The following KIF1B variants were observed in gnomAD, a reference collection of about 807,000 sequenced individuals.
KIF1B encodes kinesin family member 1B.
Under a neutral mutation model 241.9 loss-of-function variants are expected in KIF1B, and 76 were observed. That is an observed-to-expected ratio of 0.31 (90% CI 0.26 to 0.38). The LOEUF (loss-of-function observed/expected upper bound fraction) is 0.38, where lower values mean the gene tolerates loss of function less well. KIF1B is among the 10% of genes least tolerant of loss of function. The pLI is 1.00. For missense variants in KIF1B, 1,622 were observed against 2,271.4 expected (o/e 0.71, Z 5.81); for synonymous variants, 750 against 796.7 (o/e 0.94, Z 0.99).
intron 1 of KIF1B, among the ~76,000 whole-genome samples, chr1:10,222,323 C>T (rs1253538184): frequency 1.3e-5 from 2 of 152,014 alleles, no homozygotes; most frequent in Non-Finnish European, 2.9e-5. Flanking sequence ...AAGGTGGTGG[C>T]TAGTGGAGAA....
intron 27 of KIF1B, among the ~76,000 whole-genome samples, chr1:10,328,231 G>A (rs1008865701): frequency 3.9e-5 from 6 of 152,090 alleles, no homozygotes; most frequent in Non-Finnish European, 5.9e-5. Flanking sequence ...TTTGTAGTAT[G>A]GTATTGGTCA....
At chr1:10,241,130 T>TGA (rs1301699016) in intron 2 of KIF1B, among the ~76,000 whole-genome samples, 2 of 152,114 alleles carry the variant, frequency 1.3e-5, no homozygotes, top group African/African-American at 2.4e-5. Context: ...TGTGTGTGTG[T>TGA]GAGACGAGGT....
chr1:10,210,577 C>A lies in KIF1B; in HGVS notation c.-381C>A, dbSNP rs1157480711. On this transcript the variant is annotated 5_prime_UTR_variant, in exon 1 of 49. Coordinates refer to ENST00000676179, the MANE Select transcript of KIF1B (RefSeq NM_001365951.3). This position sits in a 1 kb window ranked among gnomAD's most constrained non-coding sequence, Gnocchi z 4.1. ...CGAGGGCCGAAGCGGGGCAGTGTGA[C>A]GGCAGCGGTCCTGGGAGGCGCCCGC... Among the ~76,000 whole-genome samples, 1 of 152,054 alleles carries A rather than the reference C, an allele frequency of 6.6e-6. No homozygotes were observed. The highest frequency in any genetic ancestry group is 2.4e-5 in the African/African-American group (1 of 41,430).
chr1:10,332,168 G>T lies in KIF1B; in HGVS notation c.2925-2352G>T, dbSNP rs1157713226. 3.3e-5 allele frequency among the ~76,000 whole-genome samples: 5 copies of T among 151,206 alleles called. No individual in the cohort carries two copies. In the South Asian group the frequency reaches 1.0e-3, roughly 32 times the overall value. On this transcript the variant is annotated intron_variant, in intron 27 of 48. Coordinates refer to ENST00000676179, the MANE Select transcript of KIF1B (RefSeq NM_001365951.3). ...CAACCTTCACCTCCTGGGTTCAAGC[G>T]ATTCTCCTGCCTCGGCGCCCCCGAG...
intron 14 of KIF1B, among the ~76,000 whole-genome samples, chr1:10,280,421 A>G (rs1386272308): frequency 6.6e-6 from 1 of 151,976 alleles, no homozygotes; most frequent in East Asian, 1.9e-4. Context: ...TTTTTAATAG[A>G]GATGGGGTTT....
chr1:10,380,400 G>A lies in KIF1B; in HGVS notation c.*3813G>A, dbSNP rs1415565951. On this transcript the variant is annotated 3_prime_UTR_variant, in exon 49 of 49. Coordinates refer to ENST00000676179, the MANE Select transcript of KIF1B (RefSeq NM_001365951.3). ...TCGGTTCCCTTTTAAAAATGTGATT[G>A]TTAACCTGCCTCTTGAAAGATTCAA... The A allele has an allele frequency of 1.6e-5, 3 of 193,472 alleles. No homozygotes were observed. The East Asian group carries it at 2.5e-4, about 16-fold the overall frequency. 12.0% of individuals were successfully genotyped at this position (193,472 alleles called of 1,614,324 possible).
intron 22 of KIF1B, among the ~76,000 whole-genome samples, chr1:10,319,671 A>G (rs1651448153): frequency 6.6e-6 from 1 of 152,124 alleles, no homozygotes; most frequent in African/African-American, 2.4e-5. Flanking sequence ...TTTTCTCTGG[A>G]ATTTATTGAT....
intron 27 of KIF1B, among the ~76,000 whole-genome samples, chr1:10,330,513 G>T (rs116058542): frequency 7.5e-6 from 1 of 133,618 alleles, no homozygotes; most frequent in Non-Finnish European, 1.6e-5. Context: ...TTTTTGAATA[G>T]CTATTTTTAA....
At chr1:10,267,305 G>C in intron 5 of KIF1B, 75 bp from the exon 6 acceptor site, 1 of 1,313,524 alleles carries the variant, frequency 7.6e-7, no homozygotes, top group Non-Finnish European at 1.1e-6. Context: ...TGGGATTACA[G>C]GCGTGAGCCA....
intron 22 of KIF1B, chr1:10,305,200 C>G: frequency 9.6e-7 from 1 of 1,047,064 alleles, no homozygotes; most frequent in Non-Finnish European, 1.2e-6. Flanking sequence ...TAAAGGTCTT[C>G]AAACATATCT....
chr1:10,236,014 T>G (rs1373923736), intron 2 of KIF1B, among the ~76,000 whole-genome samples: 1 of 152,072 alleles, frequency 6.6e-6, no homozygotes, highest in African/African-American at 2.4e-5. Context: ...GGCTCAAGCC[T>G]CTAATCCCAG....
intron 22 of KIF1B, among the ~76,000 whole-genome samples, chr1:10,314,628 C>T (rs537489048): frequency 9.3e-5 from 14 of 151,290 alleles, no homozygotes; most frequent in South Asian, 2.1e-4. Context: ...CTATGTTGCC[C>T]GGACTGGTCT....
chr1:10,285,119 G>T (rs1451730583), intron 15 of KIF1B, among the ~76,000 whole-genome samples: 2 of 152,192 alleles, frequency 1.3e-5, no homozygotes, highest in Non-Finnish European at 2.9e-5. Context: ...ATGTTGCTTT[G>T]CAGGGCTCTT....
At chr1:10,332,475 A>C (rs1651983236) in intron 27 of KIF1B, among the ~76,000 whole-genome samples, 1 of 143,464 alleles carries the variant, frequency 7.0e-6, no homozygotes, top group African/African-American at 2.6e-5. Context: ...TCACCTTGTC[A>C]GTCACCCTGC....
chr1:10,381,381 GATTTTC>G lies in KIF1B; in HGVS notation c.*4803_*4808del, dbSNP rs1639018966. ...TTAGCAACAATGTACATTAATTTTG[GATTTTC>G]ATTTTCATGTTTTATTTTGTAAATA... On this transcript the variant is annotated 3_prime_UTR_variant, in exon 49 of 49. Coordinates refer to ENST00000676179, the MANE Select transcript of KIF1B (RefSeq NM_001365951.3). The G allele has an allele frequency of 4.5e-6, 1 of 220,410 alleles. No homozygotes were observed. The allele number at this position is 220,410 out of a possible 1,614,324, so 13.7% of individuals were successfully genotyped here. A position where few individuals can be genotyped will look rare whatever the true frequency, so the allele number is the denominator to read the frequency against.
At chr1:10,310,389 G>A (rs1651015621) in intron 22 of KIF1B, among the ~76,000 whole-genome samples, 1 of 151,544 alleles carries the variant, frequency 6.6e-6, no homozygotes, top group Admixed American at 6.6e-5. Flanking sequence ...GGCTTGGTAA[G>A]CATTTTCTGT....
rs766964585 is a variant in KIF1B at position 10,320,132 on chromosome 1, A to G, written c.2205A>G (p.Glu735=). The part of the protein sequence containing the change: ...AETTEEEEEE[E]EVPWTQHEFE... ...CAACTGAAGAGGAGGAAGAAGAGGA[A>G]GAAGGTGAAATCTAGAGACCGAAAG... The change falls in exon 23 of 49, where the codon GAA becomes GAG. Residue 735 remains glutamate (E), a synonymous_variant. Coordinates refer to ENST00000676179, the MANE Select transcript of KIF1B (RefSeq NM_001365951.3). The G allele has an allele frequency of 1.2e-6, 2 of 1,610,446 alleles. No individual in the cohort carries two copies. The highest frequency in any genetic ancestry group is 1.3e-5 in the African/African-American group (1 of 74,870).
rs573626779 is a variant in KIF1B, at chr1:10,302,547, T to C, written c.2115+5301T>C. ...CTGCTTCTTTTTCTACATTCTCATC[T>C]TCTAACTTTTTTCTAGGGCTGCTCT... On this transcript the variant is annotated intron_variant, in intron 22 of 48. Coordinates refer to ENST00000676179, the MANE Select transcript of KIF1B (RefSeq NM_001365951.3). Among the ~76,000 whole-genome samples the C allele has an allele frequency of 3.9e-5, 6 of 152,328 alleles. No homozygotes were observed. The East Asian group carries it at 1.2e-3, about 29-fold the overall frequency.
rs1274045569 is a variant in KIF1B, at chr1:10,276,170, T to C, written c.959-151T>C. On this transcript the variant is annotated intron_variant, in intron 11 of 48. Coordinates refer to ENST00000676179, the MANE Select transcript of KIF1B (RefSeq NM_001365951.3). ...TGATCCGCCCACCTGGGTGAAAGAG[T>C]GAGACTCCCTCTCAAAAAAAAAATA... 8 of 655,574 alleles carry C rather than the reference T, an allele frequency of 1.2e-5. No homozygotes were observed. The Admixed American group carries it at 1.6e-4, about 13-fold the overall frequency. 40.6% of individuals were successfully genotyped at this position (655,574 alleles called of 1,614,324 possible).
Sources: allele counts gnomAD v4.1 joint callset (sites outside exome capture counted in the v4.1 genomes callset), GRCh38; gene constraint gnomAD v4.1.1; non-coding constraint Gnocchi (gnomAD v3.1); transcripts MANE v1.5; gene names NCBI Gene and HGNC (gene_info 2026-07-23, HGNC 2026-07-21).